CACNA2D3: variants seen among roughly 807,000 people sequenced by gnomAD.
CACNA2D3 encodes calcium voltage-gated channel auxiliary subunit alpha2delta 3, also known as voltage-dependent calcium channel subunit alpha-2/delta-3.
CACNA2D3 carries 60 observed loss-of-function variants against 160.6 expected under a neutral mutation model. The observed-to-expected ratio is 0.37, with a 90% confidence interval of 0.30 to 0.46. The LOEUF is 0.46. Ranked by LOEUF, CACNA2D3 falls within the 20% of genes least tolerant of loss-of-function variation. The pLI, the probability that CACNA2D3 is intolerant of heterozygous loss-of-function variation, is 1.00. For synonymous variants in CACNA2D3, 558 were observed against 492.9 expected, an observed-to-expected ratio of 1.13 and a Z score of -1.75; for missense variants, 1,205 against 1,365.0, an observed-to-expected ratio of 0.88 and a Z score of 1.85.
At chr3:55,056,150 A>G (rs1353365322) in intron 35 of CACNA2D3, among the ~76,000 whole-genome samples, 7 of 152,226 alleles carry the variant, frequency 4.6e-5, no homozygotes, top group African/African-American at 1.7e-4. Context: ...AAGGGACCTG[A>G]ATCAACACTT....
At chr3:54,813,818 G>T (rs1466247251) in intron 13 of CACNA2D3, among the ~76,000 whole-genome samples, 1 of 150,254 alleles carries the variant, frequency 6.7e-6, no homozygotes, top group Non-Finnish European at 1.5e-5. Flanking sequence ...GAAATGTTTT[G>T]CCATTTCTTA....
chr3:54,889,296 A>G (rs1425741959), intron 24 of CACNA2D3, among the ~76,000 whole-genome samples: 1 of 152,244 alleles, frequency 6.6e-6, no homozygotes, highest in African/African-American at 2.4e-5. Flanking sequence ...TTTTCATTTT[A>G]CAAAAAGATC....
chr3:54,966,761 G>T (rs982440051), intron 27 of CACNA2D3, among the ~76,000 whole-genome samples: 1 of 152,184 alleles, frequency 6.6e-6, no homozygotes, highest in Admixed American at 6.5e-5. Context: ...AGAGGTTGCA[G>T]TGAGCTGAGA....
chr3:54,667,089 A>G (rs1700080551), intron 11 of CACNA2D3, among the ~76,000 whole-genome samples: 1 of 152,216 alleles, frequency 6.6e-6, no homozygotes, highest in Non-Finnish European at 1.5e-5. Context: ...TTAAATTCCC[A>G]AAGATCAGGT....
At chr3:54,432,787 C>T (rs962489543) in intron 4 of CACNA2D3, among the ~76,000 whole-genome samples, 4 of 151,938 alleles carry the variant, frequency 2.6e-5, no homozygotes, top group African/African-American at 9.7e-5. Flanking sequence ...AATTAAAATA[C>T]AAAATGAATA....
In CACNA2D3 at chr3:54,933,515, A is replaced by G. The variant is rs1024961192; in HGVS notation, c.2449+33647A>G. 5.3e-5 allele frequency among the ~76,000 whole-genome samples: 8 copies of G among 152,254 alleles called. No individual in the cohort carries two copies. In the South Asian group the frequency reaches 6.2e-4, roughly 12 times the overall value. On this transcript the variant is annotated intron_variant, in intron 27 of 37. Transcript: ENST00000474759. ...TTAGCCAGAATTAAATCACATGACC[A>G]TGTCTAACAGCAAGAGATGCTGGGA... is the stretch of plus-strand genomic sequence containing the variant.
chr3:54,200,039 A>G (rs1341770251), intron 2 of CACNA2D3, among the ~76,000 whole-genome samples: 1 of 152,220 alleles, frequency 6.6e-6, no homozygotes, highest in Non-Finnish European at 1.5e-5. Context: ...TTGGCCTACA[A>G]AGTGGAAACT....
intron 2 of CACNA2D3, among the ~76,000 whole-genome samples, chr3:54,307,213 G>A (rs1468756377): frequency 1.3e-5 from 2 of 152,186 alleles, no homozygotes; most frequent in Non-Finnish European, 2.9e-5. Flanking sequence ...TGGGCTTGGT[G>A]AAATATGTCA....
At position 54,685,060 on chromosome 3, in the gene CACNA2D3, G is replaced by A. The variant is rs1303209880; in HGVS notation, c.1167+42819G>A. ...CTCCTGCATGTGCGTCTTGGCAGCT[G>A]AGACAAATATGGAAAATGACGAGGC... On this transcript the variant is annotated intron_variant, in intron 11 of 37. Coordinates refer to ENST00000474759, the MANE Select transcript of CACNA2D3 (RefSeq NM_018398.3). Among the ~76,000 whole-genome samples the A allele has an allele frequency of 2.6e-5, 4 of 152,152 alleles. No homozygotes were observed. The East Asian group carries it at 7.7e-4, about 29-fold the overall frequency.
At chr3:54,443,137 C>T (rs1258595521) in intron 4 of CACNA2D3, among the ~76,000 whole-genome samples, 1 of 152,150 alleles carries the variant, frequency 6.6e-6, no homozygotes, top group African/African-American at 2.4e-5. Context: ...GAAACTCTTG[C>T]AGAACAACAC....
chr3:54,629,010 A>T (rs1044441145), intron 10 of CACNA2D3, among the ~76,000 whole-genome samples: 4 of 152,162 alleles, frequency 2.6e-5, no homozygotes, highest in Non-Finnish European at 4.4e-5. Context: ...TTGCTTAGAA[A>T]GACCTTGATT....
At chr3:54,735,855 A>C (rs1352076358) in intron 11 of CACNA2D3, among the ~76,000 whole-genome samples, 2 of 148,384 alleles carry the variant, frequency 1.3e-5, no homozygotes, top group African/African-American at 4.9e-5. Flanking sequence ...TTAATTCTAG[A>C]AAATTTGGAA....
chr3:54,211,946 T>C (rs1009139204), intron 2 of CACNA2D3, among the ~76,000 whole-genome samples: 2 of 152,022 alleles, frequency 1.3e-5, no homozygotes, highest in Non-Finnish European at 2.9e-5. Flanking sequence ...ATTGAAATAA[T>C]ATGAGTTTAT....
At chr3:54,728,684 C>G (rs544912516) in intron 11 of CACNA2D3, among the ~76,000 whole-genome samples, 2 of 152,118 alleles carry the variant, frequency 1.3e-5, no homozygotes, top group African/African-American at 4.8e-5. Flanking sequence ...AATCCTGTGG[C>G]GGGCAAATAG....
intron 27 of CACNA2D3, among the ~76,000 whole-genome samples, chr3:54,935,344 C>T (rs1200680575): frequency 6.6e-6 from 1 of 152,140 alleles, no homozygotes; most frequent in African/African-American, 2.4e-5. Context: ...TTGTCCTGCA[C>T]TCAGGACATG....
chr3:54,428,905 T>A (rs1699947777), intron 4 of CACNA2D3, among the ~76,000 whole-genome samples: 1 of 152,228 alleles, frequency 6.6e-6, no homozygotes, highest in African/African-American at 2.4e-5. Flanking sequence ...TGATTTATTG[T>A]GAGGAAGGAA....
chr3:54,733,270 T>C (rs1256459655), intron 11 of CACNA2D3, among the ~76,000 whole-genome samples: 10 of 152,192 alleles, frequency 6.6e-5, no homozygotes, highest in Admixed American at 6.5e-4. Context: ...AGCAGCTGAG[T>C]TACCCACGTC....
At chr3:54,218,806 G>C (rs1363610411) in intron 2 of CACNA2D3, among the ~76,000 whole-genome samples, 1 of 152,140 alleles carries the variant, frequency 6.6e-6, no homozygotes, top group Admixed American at 6.5e-5. Context: ...GCTTCTAGAG[G>C]CTGTCCTTGG....
intron 3 of CACNA2D3, 108 bp from the exon 4 acceptor site, chr3:54,386,607 A>G (rs1699189729): frequency 1.0e-6 from 1 of 983,570 alleles, no homozygotes; most frequent in Non-Finnish European, 1.5e-6. Flanking sequence ...TCAGATCACA[A>G]TGTATGAACC....
Sources: gnomAD v4.1 joint callset for allele counts (sites outside exome capture counted in the v4.1 genomes callset) on GRCh38, gnomAD v4.1.1 for gene constraint, MANE v1.5 for transcripts, NCBI Gene and HGNC (gene_info 2026-07-23, HGNC 2026-07-21) for gene names.